ZFAND3: variants seen among roughly 807,000 people sequenced by gnomAD.
ZFAND3 encodes the protein zinc finger AN1-type containing 3.
Under a neutral mutation model 29.6 loss-of-function variants are expected in ZFAND3, and 10 were observed. That is an observed-to-expected ratio of 0.34 (90% confidence interval 0.21 to 0.57). The LOEUF (loss-of-function observed/expected upper bound fraction) is 0.57, where lower values mean the gene tolerates loss of function less well. Among genes scored for constraint, ZFAND3 ranks in the 20% least tolerant of loss-of-function variants. The pLI is 0.86. For synonymous variants in ZFAND3, 128 were observed against 112.6 expected (o/e 1.14, Z -0.87); for missense variants, 230 against 304.5 (o/e 0.76, Z 1.82).
chr6:38,019,598 T>G (rs1763311563), intron 2 of ZFAND3, among the ~76,000 whole-genome samples: 1 of 152,240 alleles, frequency 6.6e-6, no homozygotes, highest in Non-Finnish European at 1.5e-5. Flanking sequence ...TTTGGGTCAT[T>G]CTGAAGGTTG....
intron 1 of ZFAND3, among the ~76,000 whole-genome samples, chr6:37,908,542 T>TAAAAAAAAAAAAAAAAAAAA (rs70981504): frequency 1.3e-4 from 16 of 124,118 alleles, no homozygotes; most frequent in Non-Finnish European, 2.2e-4. Flanking sequence ...AAAAAAAAAT[T>TAAAAAAAAAAAAAAAAAAAA]AAAAAAAAAA....
chr6:37,931,489 AGCTGAGATTGC>A, intron 2 of ZFAND3, among the ~76,000 whole-genome samples: 1 of 151,106 alleles, frequency 6.6e-6, no homozygotes. Flanking sequence ...AGGTGCAGTG[AGCTGAGATTGC>A]GCCACTGCAC....
chr6:38,110,371 G>A (rs1323285990), intron 4 of ZFAND3, among the ~76,000 whole-genome samples: 1 of 152,130 alleles, frequency 6.6e-6, no homozygotes. Flanking sequence ...AAAATGTCAG[G>A]AGAAGATGAA....
chr6:37,964,461 A>C (rs754359867), intron 2 of ZFAND3, among the ~76,000 whole-genome samples: 26 of 152,174 alleles, frequency 1.7e-4, no homozygotes, highest in African/African-American at 3.6e-4. Flanking sequence ...AAGAAGAAGA[A>C]GACCTTGGCA....
chr6:37,903,014 A>G (rs946074854), intron 1 of ZFAND3, among the ~76,000 whole-genome samples: 5 of 152,192 alleles, frequency 3.3e-5, no homozygotes, highest in Admixed American at 1.3e-4. Flanking sequence ...AAGCATGTCA[A>G]GCTGTGTGCA....
At chr6:38,116,429 A>G in intron 4 of ZFAND3, 143 bp from the exon 5 acceptor site, 1 of 928,586 alleles carries the variant, frequency 1.1e-6, no homozygotes. Flanking sequence ...GTATAAACCA[A>G]GCAAGTCAGA....
At chr6:38,057,140 A>AG (rs1413046825) in intron 2 of ZFAND3, among the ~76,000 whole-genome samples, 2 of 152,198 alleles carry the variant, frequency 1.3e-5, no homozygotes, top group African/African-American at 4.8e-5. Context: ...AAATATATCA[A>AG]GGGAACAGAC....
intron 1 of ZFAND3, among the ~76,000 whole-genome samples, chr6:37,902,239 A>G (rs1057442171): frequency 1.3e-5 from 2 of 152,158 alleles, no homozygotes; most frequent in African/African-American, 2.4e-5. Context: ...GCTTGAGCCT[A>G]GGAGTTCAAG....
In ZFAND3 at chr6:37,932,472, AAAAC is replaced by A. The variant is rs1223532071; in HGVS notation, c.112+2477_112+2480del. 2.0e-5 allele frequency among the ~76,000 whole-genome samples: 3 copies of A among 152,166 alleles called. No homozygotes were observed. In the East Asian group the frequency reaches 5.8e-4, roughly 29 times the overall value. ...AGTGCAAATGTTCCAAAATCTGAGA[AAAAC>A]AAATCCCAACACTTCTGGTCTCAAG... On this transcript the variant is annotated intron_variant, in intron 2 of 5. Transcript: ENST00000287218.
At chr6:38,116,325 G>T (rs1765416857) in intron 4 of ZFAND3, among the ~76,000 whole-genome samples, 1 of 152,090 alleles carries the variant, frequency 6.6e-6, no homozygotes, top group Non-Finnish European at 1.5e-5. Flanking sequence ...ACATAGAACT[G>T]GTTTTTGTTG....
At chr6:38,040,502 G>C (rs1038628377) in intron 2 of ZFAND3, among the ~76,000 whole-genome samples, 1 of 152,086 alleles carries the variant, frequency 6.6e-6, no homozygotes, top group African/African-American at 2.4e-5. Flanking sequence ...CACTTCAGTT[G>C]CTTCCATGTA....
intron 1 of ZFAND3, among the ~76,000 whole-genome samples, chr6:37,882,835 T>G (rs947111692): frequency 2.0e-5 from 3 of 152,224 alleles, no homozygotes; most frequent in African/African-American, 7.2e-5. Flanking sequence ...TGGAATTTCT[T>G]TGTGTTTATC....
rs143129785 is a variant in ZFAND3 at position 38,146,640 on chromosome 6, T to C, written c.530-5595T>C. Among the ~76,000 whole-genome samples the C allele has an allele frequency of 5.9e-5, 9 of 152,290 alleles. No homozygotes were observed. The East Asian group carries it at 1.7e-3, about 29-fold the overall frequency. On this transcript the variant is annotated intron_variant, in intron 5 of 5. Transcript: ENST00000287218. ...GGGCTCTAAGGAGCAGGGTAGCCAGTCATGTGACTTGGCAGGGGAAAGGGC... is the reference window on the plus strand; with the variant it reads ...GGGCTCTAAGGAGCAGGGTAGCCAGCCATGTGACTTGGCAGGGGAAAGGGC...
At chr6:37,916,153 ATAGACAT>A (rs2127407031) in intron 1 of ZFAND3, among the ~76,000 whole-genome samples, 1 of 152,196 alleles carries the variant, frequency 6.6e-6, no homozygotes, top group East Asian at 1.9e-4. Flanking sequence ...AACAATGACA[ATAGACAT>A]TAAAGACACT....
chr6:37,915,983 G>A (rs192336376), intron 1 of ZFAND3, among the ~76,000 whole-genome samples: 2 of 151,724 alleles, frequency 1.3e-5, no homozygotes, highest in African/African-American at 4.8e-5. Context: ...TGGTCAGGCT[G>A]GTCTCAAACT....
At chr6:37,896,680 G>C (rs12191800) in intron 1 of ZFAND3, among the ~76,000 whole-genome samples, 7 of 123,956 alleles carry the variant, frequency 5.6e-5, no homozygotes, top group African/African-American at 2.6e-5. Context: ...GTGTGTGTGT[G>C]TCTGTGTGTG....
At chr6:38,142,134 G>A (rs1765970077) in intron 5 of ZFAND3, 4 of 464,948 alleles carry the variant, frequency 8.6e-6, no homozygotes, top group Admixed American at 4.7e-5. Flanking sequence ...TGTGGAAGCA[G>A]GGTTGAAACT....
At chr6:38,052,267 G>T (rs1006354675) in intron 2 of ZFAND3, among the ~76,000 whole-genome samples, 40 of 152,148 alleles carry the variant, frequency 2.6e-4, no homozygotes, top group Non-Finnish European at 7.4e-5. Context: ...GAGAGACCTT[G>T]TAAGTCCTGT....
chr6:37,993,646 CTG>C (rs1183847159), intron 2 of ZFAND3, among the ~76,000 whole-genome samples: 6 of 152,114 alleles, frequency 3.9e-5, no homozygotes, highest in Non-Finnish European at 5.9e-5. Context: ...TTTAAAGAGA[CTG>C]TTTTTCTCCA....
Sources: allele counts gnomAD v4.1 joint callset (sites outside exome capture counted in the v4.1 genomes callset), GRCh38; gene constraint gnomAD v4.1.1; transcripts MANE v1.5; gene names NCBI Gene and HGNC (gene_info 2026-07-23, HGNC 2026-07-21).